The following ST7L variants were observed in gnomAD, a reference collection of about 807,000 sequenced individuals.
ST7L encodes suppression of tumorigenicity 7 like, also known as suppressor of tumorigenicity 7 protein-like.
In ST7L, 57 loss-of-function variants were observed where a neutral mutation model predicts 72.5. The ratio of observed to expected loss-of-function variants is 0.79; its 90% CI spans 0.64 to 0.98. ST7L has a LOEUF of 0.98. Among genes scored for constraint, ST7L ranks in the 50% least tolerant of loss-of-function variants. ST7L has a pLI of 0.00. For missense variants in ST7L, 576 were observed against 672.2 expected (o/e 0.86, Z 1.58); for synonymous variants, 221 against 240.9 (o/e 0.92, Z 0.77).
chr1:112,564,045 A>G (rs1660572059), intron 11 of ST7L, among the ~76,000 whole-genome samples: 1 of 152,206 alleles, frequency 6.6e-6, no homozygotes, highest in South Asian at 2.1e-4. Context: ...CTCAGTGCAC[A>G]TTCTATGAGA....
At chr1:112,554,858 C>G (rs1294633316) in intron 12 of ST7L, among the ~76,000 whole-genome samples, 1 of 152,034 alleles carries the variant, frequency 6.6e-6, no homozygotes, top group Non-Finnish European at 1.5e-5. Context: ...AGATATTATA[C>G]TAAGTGAAAA....
Position 112,616,876 on chromosome 1 carries a change from T to C in ST7L, c.225A>G (p.Ser75=). The C allele has an allele frequency of 1.9e-6, 3 of 1,606,102 alleles. No homozygotes were observed. Among genetic ancestry groups the C allele is most frequent in the Non-Finnish European group, 1.7e-6 (2 of 1,177,542 alleles). ...GTGCCACATAGAATTTGGGTGTCAA[T>C]GAATTTAAAAATACAGTCACTGTCA... ...NLAAVTVFLN[S]LTPKFYVALT... The change falls in exon 2 of 15, where the codon TCA becomes TCG. Residue 75 remains serine (S), a synonymous_variant. Transcript: ENST00000358039.
intron 2 of ST7L, among the ~76,000 whole-genome samples, chr1:112,614,348 T>C (rs990142697): frequency 2.0e-5 from 3 of 152,200 alleles, no homozygotes; most frequent in Admixed American, 2.0e-4. Flanking sequence ...TCCCAAAGTG[T>C]TGGGATTACA....
At chr1:112,599,686 T>C (rs1354658662) in intron 4 of ST7L, among the ~76,000 whole-genome samples, 1 of 152,234 alleles carries the variant, frequency 6.6e-6, no homozygotes, top group Non-Finnish European at 1.5e-5. Context: ...TTTTGAAATT[T>C]AGCACTCATG....
At chr1:112,547,193 CTTTTTTT>C (rs759140130) in intron 13 of ST7L, among the ~76,000 whole-genome samples, 4,838 of 137,494 alleles carry the variant, frequency 0.035, 146 homozygotes, top group African/African-American at 0.081. Flanking sequence ...TTCTTTCTTT[CTTTTTTT>C]TTTTTTTTTT....
chr1:112,580,300 C>T (rs1355933132), intron 9 of ST7L, among the ~76,000 whole-genome samples: 1 of 152,180 alleles, frequency 6.6e-6, no homozygotes, highest in African/African-American at 2.4e-5. Flanking sequence ...AGGCGCATGC[C>T]ACCACACCCA....
chr1:112,560,381 G>A (rs1227868118), intron 11 of ST7L, among the ~76,000 whole-genome samples: 3 of 152,008 alleles, frequency 2.0e-5, no homozygotes, highest in South Asian at 2.1e-4. Flanking sequence ...ATGACAGAGC[G>A]AGACTCTGTC....
At chr1:112,568,069 A>G (rs1052412251) in intron 11 of ST7L, among the ~76,000 whole-genome samples, 1 of 152,138 alleles carries the variant, frequency 6.6e-6, no homozygotes, top group African/African-American at 2.4e-5. Flanking sequence ...CCAAATACCC[A>G]TGATGTATAG....
chr1:112,614,398 T>A (rs1669537556), intron 2 of ST7L, among the ~76,000 whole-genome samples: 1 of 152,196 alleles, frequency 6.6e-6, no homozygotes, highest in South Asian at 2.1e-4. Context: ...CAGTTTATCG[T>A]CTTTACTTAG....
At chr1:112,583,861 G>A (rs908859617) in intron 7 of ST7L, 111 bp downstream of exon 7, 2 of 1,263,702 alleles carry the variant, frequency 1.6e-6, no homozygotes, top group African/African-American at 3.0e-5. Flanking sequence ...TATTTCCAGT[G>A]AAAATTAACT....
intron 1 of ST7L, chr1:112,618,281 A>AT: frequency 4.8e-6 from 5 of 1,039,020 alleles, no homozygotes; most frequent in Non-Finnish European, 5.8e-6. Context: ...ATACGTAGCA[A>AT]GTGTTCTACA....
chr1:112,600,302 T>C (rs1368148774), intron 4 of ST7L, among the ~76,000 whole-genome samples: 2 of 152,186 alleles, frequency 1.3e-5, no homozygotes, highest in Admixed American at 6.5e-5. Flanking sequence ...CCTCCCAAAG[T>C]GCTGGGATTA....
At chr1:112,527,284 G>A (rs1195159960) in intron 14 of ST7L, 1 of 152,336 alleles carries the variant, frequency 6.6e-6, no homozygotes, top group Non-Finnish European at 1.5e-5. Context: ...ACTTGAGCTA[G>A]GAGAAGAACA....
intron 3 of ST7L, among the ~76,000 whole-genome samples, chr1:112,606,429 C>G (rs1668253506): frequency 6.6e-6 from 1 of 152,190 alleles, no homozygotes; most frequent in Admixed American, 6.5e-5. Flanking sequence ...CAGTTCTTTT[C>G]CACTTTATAC....
At chr1:112,540,776 T>C in intron 14 of ST7L, 1 of 1,275,952 alleles carries the variant, frequency 7.8e-7, no homozygotes, top group Non-Finnish European at 1.0e-6. Context: ...GAAAATACAT[T>C]ACCAAGTAAG....
chr1:112,524,564 TAC>T lies in ST7L; in HGVS notation c.*1447_*1448del, dbSNP rs1653125362. 1 of 152,606 alleles carries T rather than the reference TAC, an allele frequency of 6.6e-6. No homozygotes were observed. The highest frequency in any genetic ancestry group is 1.5e-5 in the Non-Finnish European group (1 of 68,056). 9.5% of individuals were successfully genotyped at this position (152,606 alleles called of 1,614,324 possible). On this transcript the variant is annotated 3_prime_UTR_variant, in exon 15 of 15. Transcript: ENST00000358039. ...AATGAAATACGGGAGAGCTTCACATTACACAGAGACCTGTAGCTCACACCTGG... is the reference window on the plus strand; with the variant it reads ...AATGAAATACGGGAGAGCTTCACATTACAGAGACCTGTAGCTCACACCTGG...
chr1:112,612,539 A>T (rs58634778), intron 2 of ST7L, among the ~76,000 whole-genome samples: 4,716 of 152,244 alleles, frequency 0.031, 267 homozygotes, highest in African/African-American at 0.11. Context: ...AGGTGCCAAA[A>T]GTATAGTCAT....
At chr1:112,613,869 A>C (rs1454092840) in intron 2 of ST7L, among the ~76,000 whole-genome samples, 1 of 152,148 alleles carries the variant, frequency 6.6e-6, no homozygotes, top group Non-Finnish European at 1.5e-5. Context: ...CTGGGACTAC[A>C]GGAATGCGCC....
At chr1:112,609,861 T>C (rs1271444945) in intron 3 of ST7L, among the ~76,000 whole-genome samples, 2 of 152,116 alleles carry the variant, frequency 1.3e-5, no homozygotes, top group South Asian at 2.1e-4. Context: ...TCGACACAAA[T>C]AGAGGAACAG....
Sources: allele counts gnomAD v4.1 joint callset (sites outside exome capture counted in the v4.1 genomes callset), GRCh38; gene constraint gnomAD v4.1.1; transcripts MANE v1.5; gene names NCBI Gene and HGNC (gene_info 2026-07-23, HGNC 2026-07-21).